The following RMDN3 variants were observed in gnomAD, a reference collection of about 807,000 sequenced individuals.
RMDN3 encodes the protein regulator of microtubule dynamics 3.
In RMDN3, 41 loss-of-function variants were observed where a neutral mutation model predicts 61.8. The ratio of observed to expected loss-of-function variants is 0.66; its 90% CI spans 0.52 to 0.86. The LOEUF is 0.86. Ranked by LOEUF, RMDN3 falls within the 40% of genes least tolerant of loss-of-function variation. The pLI is 0.00. For missense variants in RMDN3, 557 were observed against 585.3 expected (o/e 0.95, Z 0.50); for synonymous variants, 247 against 232.0 (o/e 1.06, Z -0.59).
At chr15:40,748,418 T>C (rs1897669538) in intron 4 of RMDN3, among the ~76,000 whole-genome samples, 1 of 152,152 alleles carries the variant, frequency 6.6e-6, no homozygotes. Context: ...GGACTGGGCA[T>C]GGGACACAGC....
chr15:40,750,005 C>T (rs543936843), intron 4 of RMDN3, among the ~76,000 whole-genome samples: 4 of 152,232 alleles, frequency 2.6e-5, no homozygotes, highest in East Asian at 1.9e-4. Context: ...CCACGGACTG[C>T]GCATATCAGT....
chr15:40,749,524 CAAAACA>C (rs1321301329), intron 4 of RMDN3, among the ~76,000 whole-genome samples: 3 of 152,096 alleles, frequency 2.0e-5, no homozygotes, highest in South Asian at 2.1e-4. Context: ...CAAAACAAAA[CAAAACA>C]AAAACAAAAA....
In RMDN3 at chr15:40,738,037, A is replaced by G; in HGVS notation, c.1053T>C (p.His351=). ...GCTGGAGAGCAATGGCTTTGTCCAC[A>G]TGCTCCTAAGGGGAAAATGTAAATA... ...RIQSGFSFKE[H]VDKAIALQPE... Residue 351 remains histidine, a synonymous_variant, in exon 9 of 13, where the codon CAT becomes CAC. Transcript: ENST00000338376. 2.5e-6 allele frequency: 4 copies of G among 1,614,116 alleles called. No individual in the cohort carries two copies. Among genetic ancestry groups the G allele is most frequent in the South Asian group, 1.1e-5 (1 of 91,082 alleles).
At position 40,751,429 on chromosome 15, in the gene RMDN3, C is replaced by G. The variant is rs769229479; in HGVS notation, c.521G>C (p.Gly174Ala). 11 of 1,614,048 alleles carry G rather than the reference C, an allele frequency of 6.8e-6. No homozygotes were observed. Among genetic ancestry groups the G allele is most frequent in the Admixed American group, 6.7e-5 (4 of 59,998 alleles). Residue 174 changes from glycine to alanine, a missense_variant, in exon 4 of 13, where the codon GGG (glycine) becomes GCG (alanine). By Grantham distance (60) the Gly-to-Ala change is moderately conservative. Coordinates refer to ENST00000338376, the MANE Select transcript of RMDN3 (RefSeq NM_018145.3). ...GATFTDAESE[G>A]GYTTANAESD... ...GCCTCCAAGAGAGACAACTCACCCCCCTTCACTCTCAGCATCTGTGAACGT... is the reference window on the plus strand; with the variant it reads ...GCCTCCAAGAGAGACAACTCACCCCGCTTCACTCTCAGCATCTGTGAACGT...
chr15:40,741,337 C>T (rs1897268879), intron 6 of RMDN3, among the ~76,000 whole-genome samples: 1 of 151,712 alleles, frequency 6.6e-6, no homozygotes, highest in African/African-American at 2.4e-5. Context: ...CAGACCCCAT[C>T]TCTTTAAAAA....
intron 12 of RMDN3, 59 bp from the exon 13 acceptor site, chr15:40,736,653 AGTGGAACCT>A: frequency 1.3e-6 from 2 of 1,494,708 alleles, no homozygotes; most frequent in Non-Finnish European, 1.9e-6. Context: ...TTCCCAAACC[AGTGGAACCT>A]AAGAAGAGGG....
chr15:40,754,684 G>T lies in RMDN3; in HGVS notation c.100C>A (p.Arg34=). The T allele has an allele frequency of 6.2e-7, 1 of 1,614,072 alleles. No individual in the cohort carries two copies. The highest frequency in any genetic ancestry group is 8.5e-7 in the Non-Finnish European group (1 of 1,180,000). The change falls in exon 2 of 13, where the codon CGA becomes AGA. Residue 34 remains arginine, a synonymous_variant. Transcript: ENST00000338376. ...CCATGACGCTGGGTCCGTTTCCATC[G>T]CTGGCTGTAAAGGAGGCACAGGAAT... ...LGFLCLLYSQ[R]WKRTQRHGRS...
At chr15:40,740,079 T>A (rs1897217753) in intron 7 of RMDN3, 54 bp downstream of exon 7, 1 of 1,176,894 alleles carries the variant, frequency 8.5e-7, no homozygotes, top group Non-Finnish European at 1.3e-6. Context: ...GAAAGGGCTG[T>A]CCTCTGCTTT....
In RMDN3 at chr15:40,754,634, G is replaced by A; in HGVS notation, c.150C>T (p.Ser50=). ...GATCTGAAGTCTGCGTATAGTCCAG[G>A]GAGTTGGGCAGGCTCTGGCTGCGGC... ...RHGRSQSLPN[S]LDYTQTSDPG... is the part of the protein sequence containing the mutation. The change falls in exon 2 of 13, where the codon TCC becomes TCT. Residue 50 remains serine (S), a synonymous_variant. Transcript: ENST00000338376. The A allele has an allele frequency of 6.2e-7, 1 of 1,614,134 alleles. No individual in the cohort carries two copies. The highest frequency in any genetic ancestry group is 8.5e-7 in the Non-Finnish European group (1 of 1,180,004).
rs143195197 is a variant in RMDN3 at position 40,747,938 on chromosome 15, G to C, written c.525-2679C>G. Among the ~76,000 whole-genome samples, 659 of 152,260 alleles carry C rather than the reference G, an allele frequency of 4.3e-3. 3 individuals carry two copies. The highest frequency in any genetic ancestry group is 0.027 in the Middle Eastern group (8 of 294). On this transcript the variant is annotated intron_variant, in intron 4 of 12. Coordinates refer to ENST00000338376, the MANE Select transcript of RMDN3 (RefSeq NM_018145.3). ...ACTTAATGAGGTCATAAATGCCCAA[G>C]AAGGAGTCTTCACGATGAGGCTGCA... is the stretch of plus-strand genomic sequence containing the variant.
In RMDN3 at chr15:40,737,281, A is replaced by G. The variant is rs1235249320; in HGVS notation, c.1278+7T>C. On this transcript the variant is annotated splice_region_variant and intron_variant, in intron 11 of 12. Transcript: ENST00000338376. ...AGATCTATGTTGAAGTAGACAAATG[A>G]GTTTACCTTGGAAATATATACCCTT... The G allele has an allele frequency of 6.2e-7, 1 of 1,613,760 alleles. No individual in the cohort carries two copies. The highest frequency in any genetic ancestry group is 1.7e-5 in the Admixed American group (1 of 60,020).
Position 40,736,540 on chromosome 15 carries a change from G to A in RMDN3, c.*1C>T. On this transcript the variant is annotated 3_prime_UTR_variant, in exon 13 of 13. Transcript: ENST00000338376. ...AAGTCATGAAGGCCAGTGAAACGTG[G>A]TTAGTCTCGTAAAATGACTTCCAGT... 1 of 1,613,868 alleles carries A rather than the reference G, an allele frequency of 6.2e-7. No homozygotes were observed. The highest frequency in any genetic ancestry group is 8.5e-7 in the Non-Finnish European group (1 of 1,179,812).
intron 4 of RMDN3, among the ~76,000 whole-genome samples, chr15:40,746,006 A>C (rs1897529564): frequency 6.6e-6 from 1 of 152,194 alleles, no homozygotes; most frequent in Non-Finnish European, 1.5e-5. Flanking sequence ...AGAAGCAAGA[A>C]GGGGAAGACA....
At chr15:40,749,687 T>C (rs1041989829) in intron 4 of RMDN3, among the ~76,000 whole-genome samples, 2 of 152,242 alleles carry the variant, frequency 1.3e-5, no homozygotes, top group African/African-American at 4.8e-5. Flanking sequence ...TACATCTCAG[T>C]GCCCACTATC....
chr15:40,744,936 G>A (rs772923420), intron 5 of RMDN3, 41 bp downstream of exon 5: 9 of 1,541,216 alleles, frequency 5.8e-6, no homozygotes, highest in Admixed American at 2.0e-5. Flanking sequence ...GAGATGGAGG[G>A]AGGGAGGGAA....
At chr15:40,739,995 C>T (rs1250699647) in intron 7 of RMDN3, 138 bp downstream of exon 7, 2 of 675,378 alleles carry the variant, frequency 3.0e-6, no homozygotes, top group Admixed American at 2.1e-5. Flanking sequence ...TAGACTGAGG[C>T]ATGTGGAGAT....
chr15:40,747,663 AG>A (rs1897631463), intron 4 of RMDN3: 1 of 152,132 alleles, frequency 6.6e-6, no homozygotes, highest in Non-Finnish European at 1.5e-5. Context: ...AGAGACGAGC[AG>A]GGACCTTTGA....
chr15:40,736,805 G>T (rs1469145515), intron 12 of RMDN3, among the ~76,000 whole-genome samples: 2 of 152,118 alleles, frequency 1.3e-5, no homozygotes, highest in African/African-American at 4.8e-5. Flanking sequence ...CTCTAGGAAA[G>T]ATTATTTTCT....
At position 40,755,226 on chromosome 15, in the gene RMDN3, C is replaced by A. The variant is rs536060092; in HGVS notation, c.-151G>T. The A allele has an allele frequency of 2.0e-4, 31 of 153,710 alleles. 1 individual carries two copies. Among genetic ancestry groups the A allele is most frequent in the African/African-American group, 7.2e-4 (30 of 41,610 alleles). The allele number at this position is 153,710 out of a possible 1,614,324, so 9.5% of individuals were successfully genotyped here. A position where few individuals can be genotyped will look rare whatever the true frequency, so the allele number is the denominator to read the frequency against. On this transcript the variant is annotated 5_prime_UTR_variant, in exon 1 of 13. Transcript: ENST00000338376. ...GGCCGCCAGCCACCATGGCAGCAGC[C>A]GCCGCGGGCTCACGCTGTCAGTGAC...
Sources: gnomAD v4.1 joint callset for allele counts (sites outside exome capture counted in the v4.1 genomes callset) on GRCh38, gnomAD v4.1.1 for gene constraint, MANE v1.5 for transcripts, NCBI Gene and HGNC (gene_info 2026-07-23, HGNC 2026-07-21) for gene names.